The following ASAP2 variants were observed in gnomAD, a reference collection of about 807,000 sequenced individuals.
The protein encoded by ASAP2 is ArfGAP with SH3 domain, ankyrin repeat and PH domain 2.
Under a neutral mutation model 131.4 loss-of-function variants are expected in ASAP2, and 45 were observed. That is an observed-to-expected ratio of 0.34 (90% confidence interval 0.27 to 0.44). ASAP2 has a LOEUF of 0.44. Among genes scored for constraint, ASAP2 ranks in the 20% least tolerant of loss-of-function variants. The probability of loss-of-function intolerance (pLI) is 1.00; values close to 1 mark genes in which losing one functional copy is unlikely to be tolerated. For synonymous variants in ASAP2, 510 were observed against 503.0 expected (o/e 1.01, Z -0.19); for missense variants, 1,011 against 1,297.0 (o/e 0.78, Z 3.39).
chr2:9,211,741 A>G (rs565514870), intron 1 of ASAP2, among the ~76,000 whole-genome samples: 5 of 152,152 alleles, frequency 3.3e-5, no homozygotes, highest in South Asian at 2.1e-4. Flanking sequence ...ATGGGACCAG[A>G]CCCCTCCTAG....
chr2:9,306,947 G>C (rs1057366330), intron 3 of ASAP2, among the ~76,000 whole-genome samples: 2 of 152,032 alleles, frequency 1.3e-5, no homozygotes, highest in Non-Finnish European at 2.9e-5. Context: ...CCAGCCTCTC[G>C]GAGGCCTGCA....
chr2:9,356,724 C>G (rs1446770346), intron 14 of ASAP2, among the ~76,000 whole-genome samples: 1 of 152,192 alleles, frequency 6.6e-6, no homozygotes, highest in African/African-American at 2.4e-5. Flanking sequence ...CTTTATCCTA[C>G]TTTGCAGAAC....
intron 15 of ASAP2, among the ~76,000 whole-genome samples, chr2:9,364,257 C>T (rs1043865980): frequency 2.0e-5 from 3 of 152,024 alleles, no homozygotes; most frequent in African/African-American, 7.2e-5. Flanking sequence ...CCTATAGCTC[C>T]AGCACTTTGG....
chr2:9,317,691 C>A (rs1260452738), intron 3 of ASAP2, among the ~76,000 whole-genome samples: 2 of 151,046 alleles, frequency 1.3e-5, no homozygotes, highest in Admixed American at 6.6e-5. Flanking sequence ...CATCCTGAAA[C>A]CCTCACACGC....
At chr2:9,304,056 A>T (rs900964457) in intron 3 of ASAP2, among the ~76,000 whole-genome samples, 3 of 152,192 alleles carry the variant, frequency 2.0e-5, no homozygotes, top group Non-Finnish European at 4.4e-5. Flanking sequence ...AGCCACTGGC[A>T]GCCTGCGGAG....
At chr2:9,251,712 G>A (rs1276010769) in intron 1 of ASAP2, among the ~76,000 whole-genome samples, 1 of 152,126 alleles carries the variant, frequency 6.6e-6, no homozygotes, top group Non-Finnish European at 1.5e-5. Flanking sequence ...TTGTGATGAG[G>A]AAGTGGAGTG....
intron 1 of ASAP2, among the ~76,000 whole-genome samples, chr2:9,255,804 A>T (rs529686014): frequency 1.3e-5 from 2 of 152,206 alleles, no homozygotes; most frequent in African/African-American, 2.4e-5. Flanking sequence ...TTATACTCTG[A>T]TGTTTGCATC....
chr2:9,356,134 C>A (rs1035434328), intron 13 of ASAP2, 39 bp downstream of exon 13: 1 of 1,613,994 alleles, frequency 6.2e-7, no homozygotes, highest in Non-Finnish European at 8.5e-7. Flanking sequence ...CTGGACTCAG[C>A]CGTTGTTTGT....
Position 9,268,842 on chromosome 2 carries a change from C to T in ASAP2, c.127-10475C>T, listed in dbSNP as rs1397838442. Reference sequence around the variant, plus strand: ...TGCCTGAGTGCTGCAGGCCTCTGCTCTCCCCAGGGCAGCATCTTCGGGTTC... The same window carrying T: ...TGCCTGAGTGCTGCAGGCCTCTGCTTTCCCCAGGGCAGCATCTTCGGGTTC... On this transcript the variant is annotated intron_variant, in intron 1 of 27. Transcript: ENST00000281419. The surrounding 1 kb of genome is among the most constrained non-coding windows in gnomAD (Gnocchi z 4.1). 6.6e-6 allele frequency among the ~76,000 whole-genome samples: 1 copy of T among 152,204 alleles called. No homozygotes were observed. Among genetic ancestry groups the T allele is most frequent in the African/African-American group, 2.4e-5 (1 of 41,448 alleles).
chr2:9,339,482 AT>A (rs1306767793), intron 9 of ASAP2, among the ~76,000 whole-genome samples: 1 of 152,106 alleles, frequency 6.6e-6, no homozygotes, highest in African/African-American at 2.4e-5. Flanking sequence ...CACTTACCAT[AT>A]TATCTTAATA....
chr2:9,257,252 G>T (rs1015893373), intron 1 of ASAP2, among the ~76,000 whole-genome samples: 13 of 152,128 alleles, frequency 8.5e-5, no homozygotes, highest in Non-Finnish European at 1.8e-4. Flanking sequence ...TTCAGCTAAT[G>T]AAAAGTCTCA....
intron 2 of ASAP2, among the ~76,000 whole-genome samples, chr2:9,283,194 C>T (rs1667247980): frequency 6.6e-6 from 1 of 152,198 alleles, no homozygotes; most frequent in Non-Finnish European, 1.5e-5. Context: ...TTTCCTGCCT[C>T]AGCCTCCCAA....
intron 15 of ASAP2, among the ~76,000 whole-genome samples, chr2:9,366,728 G>C (rs1015127433): frequency 6.6e-6 from 1 of 152,152 alleles, no homozygotes; most frequent in Admixed American, 6.6e-5. Flanking sequence ...TTTATGCTTT[G>C]GGCCGCCTAG....
chr2:9,396,485 C>G (rs1676156751), intron 24 of ASAP2, among the ~76,000 whole-genome samples: 1 of 152,104 alleles, frequency 6.6e-6, no homozygotes, highest in African/African-American at 2.4e-5. Context: ...TTATGTTGCC[C>G]AGGCTGGTCT....
intron 11 of ASAP2, 43 bp from the exon 12 acceptor site, chr2:9,350,765 C>T (rs756264148): frequency 2.8e-5 from 43 of 1,550,722 alleles, no homozygotes; most frequent in Admixed American, 2.1e-4. Context: ...CCATTCCTTC[C>T]ACCCAACCCC....
At chr2:9,318,003 C>CA (rs1669912111) in intron 3 of ASAP2, among the ~76,000 whole-genome samples, 1 of 151,926 alleles carries the variant, frequency 6.6e-6, no homozygotes, top group Non-Finnish European at 1.5e-5. Flanking sequence ...CCAACACACA[C>CA]ACGTCTTTTC....
Position 9,279,297 on chromosome 2 carries a change from C to CTG in ASAP2, c.127-18_127-17dup. On this transcript the variant is annotated intron_variant, in intron 1 of 27. Coordinates refer to ENST00000281419, the MANE Select transcript of ASAP2 (RefSeq NM_003887.3). ...TCTCAGCACAGACACGGTTTAATGA[C>CTG]TGTATTCTCTACATTTTAGGCTTTG... The CTG allele has an allele frequency of 6.2e-7, 1 of 1,611,614 alleles. No homozygotes were observed. The highest frequency in any genetic ancestry group is 8.5e-7 in the Non-Finnish European group (1 of 1,177,730).
At chr2:9,352,240 C>T (rs1006734223) in intron 12 of ASAP2, among the ~76,000 whole-genome samples, 1 of 150,362 alleles carries the variant, frequency 6.7e-6, no homozygotes, top group Non-Finnish European at 1.5e-5. Context: ...CACACACACA[C>T]ACACACAAAC....
intron 1 of ASAP2, among the ~76,000 whole-genome samples, chr2:9,258,478 A>G (rs1343872182): frequency 1.3e-5 from 2 of 152,066 alleles, no homozygotes; most frequent in African/African-American, 2.4e-5. Context: ...TGGTACTTTC[A>G]TAGAATTTTG....
Sources: allele counts gnomAD v4.1 joint callset (sites outside exome capture counted in the v4.1 genomes callset), GRCh38; gene constraint gnomAD v4.1.1; non-coding constraint Gnocchi (gnomAD v3.1); transcripts MANE v1.5; gene names NCBI Gene and HGNC (gene_info 2026-07-23, HGNC 2026-07-21).